PDLIM5: variants seen among roughly 807,000 people sequenced by gnomAD.
PDLIM5 encodes PDZ and LIM domain protein 5.
A neutral mutation model predicts 64.2 loss-of-function variants in PDLIM5; 34 were observed. That is an observed-to-expected ratio of 0.53 (90% confidence interval 0.40 to 0.71). The LOEUF is 0.71. Ranked by LOEUF, PDLIM5 falls within the 30% of genes least tolerant of loss-of-function variation. The pLI is 0.00. For missense variants in PDLIM5, 683 were observed against 733.6 expected (o/e 0.93, Z 0.80); for synonymous variants, 253 against 269.1 (o/e 0.94, Z 0.59).
At chr4:94,511,598 AACACAC>A (rs58356643) in intron 2 of PDLIM5, among the ~76,000 whole-genome samples, 33,091 of 149,484 alleles carry the variant, frequency 0.22, 3,696 homozygotes, top group East Asian at 0.27. Context: ...CATCCCCCCC[AACACAC>A]ACACACACAC....
Position 94,649,616 on chromosome 4 carries a change from T to C in PDLIM5, c.1284-4844T>C, listed in dbSNP as rs550668166. On this transcript the variant is annotated intron_variant, in intron 9 of 12. Transcript: ENST00000317968. ...TTTTTTGGCTTTGTTCCCTGCCAGA[T>C]TTCCTGTTTCTAGAACAGTGCCTAG... Among the ~76,000 whole-genome samples, 94 of 152,360 alleles carry C rather than the reference T, an allele frequency of 6.2e-4. No individual in the cohort carries two copies. In the South Asian group the frequency reaches 0.013, roughly 22 times the overall value.
chr4:94,468,559 G>C (rs141000041), intron 2 of PDLIM5, among the ~76,000 whole-genome samples: 1 of 152,178 alleles, frequency 6.6e-6, no homozygotes, highest in African/African-American at 2.4e-5. Context: ...GGCTTGTCTG[G>C]ACATAATATG....
At chr4:94,625,487 G>C (rs997446616) in intron 8 of PDLIM5, among the ~76,000 whole-genome samples, 9 of 144,940 alleles carry the variant, frequency 6.2e-5, no homozygotes, top group Admixed American at 1.4e-4. Context: ...GAGTCTCTCT[G>C]TGTTGCCCAG....
At chr4:94,469,458 G>A (rs1334163041) in intron 2 of PDLIM5, among the ~76,000 whole-genome samples, 1 of 152,156 alleles carries the variant, frequency 6.6e-6, no homozygotes, top group African/African-American at 2.4e-5. Context: ...AAGTGCAGGG[G>A]CCTTGAGACA....
At chr4:94,538,892 G>A (rs1047398100) in intron 3 of PDLIM5, among the ~76,000 whole-genome samples, 4 of 152,184 alleles carry the variant, frequency 2.6e-5, no homozygotes, top group South Asian at 2.1e-4. Flanking sequence ...AAGTGTTGAT[G>A]TAATGACAGA....
intron 7 of PDLIM5, among the ~76,000 whole-genome samples, chr4:94,603,392 T>C (rs1271086903): frequency 6.6e-6 from 1 of 152,154 alleles, no homozygotes; most frequent in African/African-American, 2.4e-5. Flanking sequence ...AAGTTAGTGC[T>C]TATCATAGTC....
intron 8 of PDLIM5, among the ~76,000 whole-genome samples, chr4:94,629,606 A>G (rs1739979253): frequency 6.6e-6 from 1 of 152,208 alleles, no homozygotes; most frequent in Non-Finnish European, 1.5e-5. Flanking sequence ...ACTCACTTTA[A>G]TTAAGATATT....
chr4:94,587,059 G>A (rs1423168067), intron 7 of PDLIM5: 2 of 1,606,554 alleles, frequency 1.2e-6, no homozygotes, highest in Non-Finnish European at 1.7e-6. Context: ...TGAAGTTTCA[G>A]CACGTGCTCT....
intron 12 of PDLIM5, 27 bp from the exon 13 acceptor site, chr4:94,663,951 A>C (rs1334690303): frequency 5.0e-6 from 8 of 1,585,270 alleles, no homozygotes; most frequent in Non-Finnish European, 6.9e-6. Flanking sequence ...CTTAAATAAT[A>C]TCTCTTAAAT....
At chr4:94,504,304 T>G (rs1302451220) in intron 2 of PDLIM5, among the ~76,000 whole-genome samples, 1 of 152,094 alleles carries the variant, frequency 6.6e-6, no homozygotes, top group East Asian at 1.9e-4. Flanking sequence ...TTTTTTTTTT[T>G]TTGAGACAGA....
At chr4:94,461,108 G>A (rs1445220168) in intron 2 of PDLIM5, among the ~76,000 whole-genome samples, 1 of 152,142 alleles carries the variant, frequency 6.6e-6, no homozygotes, top group African/African-American at 2.4e-5. Context: ...CTGTATTGAG[G>A]ACAAATCAGT....
chr4:94,625,024 G>A lies in PDLIM5; in HGVS notation c.1108+6833G>A, dbSNP rs1739554572. Among the ~76,000 whole-genome samples, 3 of 152,342 alleles carry A rather than the reference G, an allele frequency of 2.0e-5. 1 individual carries two copies. The South Asian group carries it at 6.2e-4, about 32-fold the overall frequency. ...AGTTATTCAGGTAATCCAATCTGGAGATAGATAATGAATATTGCCCTGGGC... is the reference window on the plus strand; with the variant it reads ...AGTTATTCAGGTAATCCAATCTGGAAATAGATAATGAATATTGCCCTGGGC... On this transcript the variant is annotated intron_variant, in intron 8 of 12. Coordinates refer to ENST00000317968, the MANE Select transcript of PDLIM5 (RefSeq NM_006457.5).
At chr4:94,459,793 T>G (rs1196492698) in intron 2 of PDLIM5, among the ~76,000 whole-genome samples, 1 of 152,222 alleles carries the variant, frequency 6.6e-6, no homozygotes, top group East Asian at 1.9e-4. Context: ...GAACTGATCC[T>G]CAAAGGATGA....
At chr4:94,637,763 T>C (rs1740684240) in intron 8 of PDLIM5, among the ~76,000 whole-genome samples, 2 of 152,162 alleles carry the variant, frequency 1.3e-5, no homozygotes, top group African/African-American at 2.4e-5. Context: ...GAGGCTTTAT[T>C]TTAGAAGCAG....
intron 7 of PDLIM5, among the ~76,000 whole-genome samples, chr4:94,603,687 G>T (rs10034824): frequency 0.43 from 65,930 of 152,016 alleles, 15,309 homozygotes; most frequent in South Asian, 0.74. Context: ...ATGTGTGTGC[G>T]CACGCGCGCG....
intron 2 of PDLIM5, among the ~76,000 whole-genome samples, chr4:94,504,538 G>A (rs1368304459): frequency 1.3e-5 from 2 of 152,176 alleles, no homozygotes; most frequent in Admixed American, 1.3e-4. Context: ...GCCCGTCTTG[G>A]CCTCCCAAAG....
At chr4:94,584,116 C>A (rs1735968015) in intron 5 of PDLIM5, among the ~76,000 whole-genome samples, 1 of 152,204 alleles carries the variant, frequency 6.6e-6, no homozygotes. Flanking sequence ...GCGGATAGCA[C>A]TATGATTTTC....
intron 5 of PDLIM5, among the ~76,000 whole-genome samples, chr4:94,580,696 C>T (rs916234138): frequency 6.6e-6 from 1 of 151,966 alleles, no homozygotes. Flanking sequence ...TGATTTGAGT[C>T]TTTAAACTCT....
chr4:94,658,510 C>T (rs920071296), intron 11 of PDLIM5, among the ~76,000 whole-genome samples: 3 of 152,182 alleles, frequency 2.0e-5, no homozygotes, highest in Non-Finnish European at 2.9e-5. Flanking sequence ...CTTTATTGTG[C>T]CTCTATTCAC....
Sources: gnomAD v4.1 joint callset for allele counts (sites outside exome capture counted in the v4.1 genomes callset) on GRCh38, gnomAD v4.1.1 for gene constraint, MANE v1.5 for transcripts, NCBI Gene and HGNC (gene_info 2026-07-23, HGNC 2026-07-21) for gene names.